Variants in GABRB1 observed in about 807,000 individuals in gnomAD.
GABRB1 encodes the protein gamma-aminobutyric acid receptor subunit beta-1.
A neutral mutation model predicts 51.6 loss-of-function variants in GABRB1; 17 were observed. The observed-to-expected ratio is 0.33, with a 90% CI of 0.23 to 0.49. GABRB1 has a LOEUF of 0.49. GABRB1 is among the 20% of genes least tolerant of loss of function. The pLI, the probability that GABRB1 is intolerant of heterozygous loss-of-function variation, is 0.99. For missense variants in GABRB1, 410 were observed against 600.6 expected (o/e 0.68, Z 3.32); for synonymous variants, 247 against 218.9 (o/e 1.13, Z -1.14).
intron 4 of GABRB1, among the ~76,000 whole-genome samples, chr4:47,269,134 T>TTTTTTA (rs1269276841): frequency 1.3e-5 from 2 of 152,206 alleles, no homozygotes; most frequent in Non-Finnish European, 2.9e-5. Flanking sequence ...GGTTGATTTC[T>TTTTTTA]TTTTTATTCA....
intron 3 of GABRB1, among the ~76,000 whole-genome samples, chr4:47,041,238 AATGAAAAC>A (rs1725823416): frequency 6.6e-6 from 1 of 152,128 alleles, no homozygotes; most frequent in Admixed American, 6.5e-5. Context: ...TTTGCACAAG[AATGAAAAC>A]ATTTGAATGG....
In GABRB1 at chr4:47,225,952, C is replaced by T. The variant is rs143669792; in HGVS notation, c.461+64483C>T. On this transcript the variant is annotated intron_variant, in intron 4 of 8. Transcript: ENST00000295454. Reference sequence around the variant, plus strand: ...TAGGGTTAAATCTAACTTCAACCCCCCACCAGTGTACTGGCTGTGAATTCC... The same window carrying T: ...TAGGGTTAAATCTAACTTCAACCCCTCACCAGTGTACTGGCTGTGAATTCC... 4.1e-3 allele frequency among the ~76,000 whole-genome samples: 622 copies of T among 152,258 alleles called. 8 individuals are homozygous for T. Among genetic ancestry groups the T allele is most frequent in the African/African-American group, 0.014 (570 of 41,548 alleles).
chr4:47,056,306 C>T (rs936793552), intron 3 of GABRB1, among the ~76,000 whole-genome samples: 5 of 152,290 alleles, frequency 3.3e-5, no homozygotes, highest in African/African-American at 1.2e-4. Flanking sequence ...TAGGAAGCCA[C>T]CCTCTCCGAC....
At chr4:47,096,749 G>A (rs1056101370) in intron 3 of GABRB1, among the ~76,000 whole-genome samples, 1 of 152,202 alleles carries the variant, frequency 6.6e-6, no homozygotes, top group African/African-American at 2.4e-5. Context: ...AAGAGTCAGA[G>A]ATGTGATGTT....
At chr4:47,058,965 A>G (rs536720168) in intron 3 of GABRB1, among the ~76,000 whole-genome samples, 1 of 152,358 alleles carries the variant, frequency 6.6e-6, no homozygotes, top group East Asian at 1.9e-4. Flanking sequence ...CTAATAATCA[A>G]TGCTGAAGTC....
chr4:47,067,736 T>C lies in GABRB1; in HGVS notation c.240+35252T>C, dbSNP rs182976501. Among the ~76,000 whole-genome samples the C allele has an allele frequency of 4.8e-3, 736 of 152,238 alleles. 6 individuals are homozygous for C. The highest frequency in any genetic ancestry group is 0.015 in the South Asian group (73 of 4,820). ...ATTTTTATTTATTTATTTTTTCCTT[T>C]CAACTTTTATTTAAGTTCTGGGGTA... On this transcript the variant is annotated intron_variant, in intron 3 of 8. Coordinates refer to ENST00000295454, the MANE Select transcript of GABRB1 (RefSeq NM_000812.4).
At chr4:47,107,848 A>ATCAC (rs1219069099) in intron 3 of GABRB1, among the ~76,000 whole-genome samples, 1 of 152,094 alleles carries the variant, frequency 6.6e-6, no homozygotes, top group Non-Finnish European at 1.5e-5. Context: ...AAGAGCTCAT[A>ATCAC]TTTTAGGAGA....
intron 4 of GABRB1, among the ~76,000 whole-genome samples, chr4:47,317,776 C>T (rs1724943778): frequency 6.6e-6 from 1 of 151,554 alleles, no homozygotes; most frequent in Non-Finnish European, 1.5e-5. Flanking sequence ...AAAAAGAAGC[C>T]TTTATTGCTG....
At chr4:47,183,886 T>C (rs1719059115) in intron 4 of GABRB1, among the ~76,000 whole-genome samples, 1 of 151,920 alleles carries the variant, frequency 6.6e-6, no homozygotes, top group Admixed American at 6.6e-5. Context: ...AAAAACATGC[T>C]GGAAAGTCCA....
At chr4:47,103,702 T>C (rs1037257650) in intron 3 of GABRB1, among the ~76,000 whole-genome samples, 1 of 151,884 alleles carries the variant, frequency 6.6e-6, no homozygotes, top group African/African-American at 2.4e-5. Context: ...ATAATAAACA[T>C]ATTTTAAAAT....
At chr4:47,257,830 A>C (rs1210240293) in intron 4 of GABRB1, among the ~76,000 whole-genome samples, 1 of 152,006 alleles carries the variant, frequency 6.6e-6, no homozygotes, top group Non-Finnish European at 1.5e-5. Context: ...AACAGTCTAC[A>C]GTCCTACCAT....
intron 4 of GABRB1, among the ~76,000 whole-genome samples, chr4:47,304,153 T>C (rs1369371011): frequency 6.6e-6 from 1 of 151,998 alleles, no homozygotes; most frequent in Non-Finnish European, 1.5e-5. Context: ...CTTTGACTAT[T>C]TACCCAGTAG....
intron 5 of GABRB1, among the ~76,000 whole-genome samples, chr4:47,322,825 G>T (rs1410108628): frequency 1.3e-5 from 2 of 151,962 alleles, no homozygotes; most frequent in African/African-American, 4.8e-5. Flanking sequence ...ACAAAAATTA[G>T]CTGGGTGCTG....
At chr4:47,119,579 GCTCACTGCAAC>G (rs931827796) in intron 3 of GABRB1, among the ~76,000 whole-genome samples, 1 of 150,406 alleles carries the variant, frequency 6.6e-6, no homozygotes, top group African/African-American at 2.4e-5. Flanking sequence ...CACAATCTCA[GCTCACTGCAAC>G]CTCTGCCTCC....
chr4:47,405,162 A>C (rs1728526650), intron 7 of GABRB1, among the ~76,000 whole-genome samples: 1 of 152,176 alleles, frequency 6.6e-6, no homozygotes, highest in Admixed American at 6.5e-5. Flanking sequence ...GGTTTTTTCA[A>C]AGAAATAAGA....
At chr4:47,384,167 A>G (rs1727694887) in intron 5 of GABRB1, among the ~76,000 whole-genome samples, 3 of 152,142 alleles carry the variant, frequency 2.0e-5, no homozygotes, top group African/African-American at 7.2e-5. Flanking sequence ...AAAATCATCC[A>G]TAATATTATC....
intron 5 of GABRB1, among the ~76,000 whole-genome samples, chr4:47,369,871 ATAGT>A (rs1198338001): frequency 6.6e-6 from 1 of 152,240 alleles, no homozygotes; most frequent in Non-Finnish European, 1.5e-5. Context: ...AATTTCAAGA[ATAGT>A]TACTGACAAT....
chr4:47,165,181 G>C (rs1233402684), intron 4 of GABRB1, among the ~76,000 whole-genome samples: 1 of 151,980 alleles, frequency 6.6e-6, no homozygotes, highest in African/African-American at 2.4e-5. Context: ...AAATTCTTCT[G>C]TTTTTCCTCC....
At chr4:47,333,097 TA>T (rs1201256111) in intron 5 of GABRB1, among the ~76,000 whole-genome samples, 2 of 146,862 alleles carry the variant, frequency 1.4e-5, no homozygotes, top group Non-Finnish European at 3.0e-5. Context: ...AATATATACA[TA>T]TTTTTATATT....
Sources: allele counts gnomAD v4.1 joint callset (sites outside exome capture counted in the v4.1 genomes callset), GRCh38; gene constraint gnomAD v4.1.1; transcripts MANE v1.5; gene names NCBI Gene and HGNC (gene_info 2026-07-23, HGNC 2026-07-21).